Variants in MLXIP observed in about 807,000 individuals in gnomAD.
The protein encoded by MLXIP is MLX-interacting protein.
MLXIP carries 30 observed loss-of-function variants against 87.2 expected under a neutral mutation model. That is an observed-to-expected ratio of 0.34 (90% confidence interval 0.26 to 0.47). The LOEUF (loss-of-function observed/expected upper bound fraction) is 0.47, where lower values mean the gene tolerates loss of function less well. Ranked by LOEUF, MLXIP falls within the 20% of genes least tolerant of loss-of-function variation. MLXIP has a pLI of 1.00. For synonymous variants in MLXIP, 530 were observed against 514.0 expected (o/e 1.03, Z -0.42); for missense variants, 1,002 against 1,240.1 (o/e 0.81, Z 2.88).
intron 1 of MLXIP, among the ~76,000 whole-genome samples, chr12:122,106,719 A>T (rs995841175): frequency 6.8e-6 from 1 of 147,248 alleles, no homozygotes; most frequent in Non-Finnish European, 1.5e-5. Flanking sequence ...CTCCTGCCGT[A>T]GCCTCCTGAG....
rs148138950 is a variant in MLXIP at position 122,099,660 on chromosome 12, G to C, written c.413+20394G>C. ...CAGTTCCTCTGCTGAACTCCCTCAG[G>C]GGGAGGAGCAGAGCCTCAGGGCTTT... On this transcript the variant is annotated intron_variant, in intron 1 of 16. Coordinates refer to ENST00000319080, the MANE Select transcript of MLXIP (RefSeq NM_014938.6). Among the ~76,000 whole-genome samples, 163 of 152,342 alleles carry C rather than the reference G, an allele frequency of 1.1e-3. 1 individual carries two copies. Among genetic ancestry groups the C allele is most frequent in the Admixed American group, 2.5e-3 (38 of 15,310 alleles).
chr12:122,131,639 C>T (rs544484379), intron 7 of MLXIP, among the ~76,000 whole-genome samples: 40 of 151,420 alleles, frequency 2.6e-4, no homozygotes, highest in Admixed American at 1.1e-3. Context: ...TTTGTAAAGA[C>T]GGGGGTCTGC....
In MLXIP at chr12:122,137,364, G is replaced by C; in HGVS notation, c.2033-105G>C. The C allele has an allele frequency of 7.8e-7, 1 of 1,281,388 alleles. No homozygotes were observed. Among genetic ancestry groups the C allele is most frequent in the Non-Finnish European group, 1.1e-6 (1 of 949,168 alleles). 79.4% of individuals were successfully genotyped at this position (1,281,388 alleles called of 1,614,324 possible). A position where few individuals can be genotyped will look rare whatever the true frequency, so the allele number is the denominator to read the frequency against. ...CAGTTGAAAGAACCAAGTGCAATAC[G>C]TGGCTAGCAGCGAGCACCTCATAAC... On this transcript the variant is annotated intron_variant, in intron 11 of 16. Transcript: ENST00000319080. This position sits in a 1 kb window ranked among gnomAD's most constrained non-coding sequence, Gnocchi z 4.1.
Position 122,113,349 on chromosome 12 carries a change from C to G in MLXIP, c.414-13907C>G, listed in dbSNP as rs959662638. Among the ~76,000 whole-genome samples, 7 of 152,302 alleles carry G rather than the reference C, an allele frequency of 4.6e-5. No homozygotes were observed. The South Asian group carries it at 1.2e-3, about 27-fold the overall frequency. ...TTCACAGTTCACTGCAGCCCTGCAG[C>G]TTCCACCTCCTGGACTCAGGTGCTC... On this transcript the variant is annotated intron_variant, in intron 1 of 16. Transcript: ENST00000319080.
intron 1 of MLXIP, among the ~76,000 whole-genome samples, chr12:122,121,984 G>A (rs530258766): frequency 1.3e-5 from 2 of 152,204 alleles, no homozygotes; most frequent in East Asian, 1.9e-4. Flanking sequence ...CTGTGCTGGC[G>A]ACCCTAGGCG....
intron 4 of MLXIP, 127 bp downstream of exon 4, chr12:122,129,353 A>G: frequency 1.0e-6 from 1 of 983,846 alleles, no homozygotes; most frequent in Non-Finnish European, 1.6e-6. Flanking sequence ...CAAGCAGTAA[A>G]TCTGGGGCCC....
intron 1 of MLXIP, among the ~76,000 whole-genome samples, chr12:122,110,373 C>G (rs1952585674): frequency 1.3e-5 from 2 of 151,968 alleles, no homozygotes; most frequent in Admixed American, 1.3e-4. Context: ...CTGCAACCTC[C>G]GCCTCCTGGG....
chr12:122,116,401 G>A (rs1952692456), intron 1 of MLXIP, among the ~76,000 whole-genome samples: 1 of 152,150 alleles, frequency 6.6e-6, no homozygotes, highest in Non-Finnish European at 1.5e-5. Flanking sequence ...AAAGGGCATG[G>A]GCAAACAGCT....
chr12:122,095,025 TGTG>T (rs1169248759), intron 1 of MLXIP, among the ~76,000 whole-genome samples: 2 of 137,596 alleles, frequency 1.5e-5, no homozygotes, highest in African/African-American at 5.6e-5. Flanking sequence ...GTTGGTGTGT[TGTG>T]TGTGTGGGGT....
chr12:122,093,509 TGGTGTGTGTGGAG>T (rs1952282976), intron 1 of MLXIP, among the ~76,000 whole-genome samples: 1 of 130,412 alleles, frequency 7.7e-6, no homozygotes, highest in East Asian at 2.6e-4. Flanking sequence ...GTGTCTGTGT[TGGTGTGTGTGGAG>T]GGTGTGTGTG....
intron 15 of MLXIP, 59 bp from the exon 16 acceptor site, chr12:122,140,895 C>G: frequency 6.2e-7 from 1 of 1,613,488 alleles, no homozygotes; most frequent in Non-Finnish European, 8.5e-7. Context: ...CAACCACCTT[C>G]GGGTCTGCAG....
At chr12:122,110,068 C>G (rs1952580861) in intron 1 of MLXIP, among the ~76,000 whole-genome samples, 1 of 152,114 alleles carries the variant, frequency 6.6e-6, no homozygotes, top group African/African-American at 2.4e-5. Flanking sequence ...GGGAGGGATA[C>G]AATTCCAGAC....
chr12:122,080,628 T>A (rs1375115778), intron 1 of MLXIP, among the ~76,000 whole-genome samples: 1 of 152,066 alleles, frequency 6.6e-6, no homozygotes, highest in Non-Finnish European at 1.5e-5. Context: ...CCTCCTCCCA[T>A]CCCCCTTACC....
chr12:122,131,498 A>G (rs545002164), intron 7 of MLXIP, among the ~76,000 whole-genome samples: 11 of 128,392 alleles, frequency 8.6e-5, no homozygotes, highest in Non-Finnish European at 1.4e-4. Flanking sequence ...CACCCAGGCT[A>G]GAGTGCAGTG....
At chr12:122,130,757 C>A in intron 6 of MLXIP, 87 bp from the exon 7 acceptor site, 3 of 917,134 alleles carry the variant, frequency 3.3e-6, no homozygotes, top group Non-Finnish European at 3.6e-6. Context: ...GTGAGCAGGG[C>A]CAGGAAGTTC....
chr12:122,096,131 G>T (rs964585181), intron 1 of MLXIP, among the ~76,000 whole-genome samples: 6 of 151,946 alleles, frequency 3.9e-5, no homozygotes, highest in African/African-American at 1.5e-4. Flanking sequence ...AGGCTGGGCT[G>T]CAAATGTGTG....
intron 1 of MLXIP, among the ~76,000 whole-genome samples, chr12:122,125,581 C>T (rs57575365): frequency 0.03 from 4,565 of 152,320 alleles, 213 homozygotes; most frequent in African/African-American, 0.1. Context: ...CATGACACAG[C>T]AGTGGCTGTC....
At chr12:122,131,835 C>G (rs1484353441) in intron 7 of MLXIP, among the ~76,000 whole-genome samples, 1 of 150,722 alleles carries the variant, frequency 6.6e-6, no homozygotes, top group African/African-American at 2.4e-5. Context: ...TGGACTTAAG[C>G]GATCCTTCCG....
chr12:122,089,396 T>C lies in MLXIP; in HGVS notation c.413+10130T>C, dbSNP rs370371920. 5.9e-5 allele frequency among the ~76,000 whole-genome samples: 9 copies of C among 152,352 alleles called. No homozygotes were observed. In the South Asian group the frequency reaches 1.9e-3, roughly 32 times the overall value. On this transcript the variant is annotated intron_variant, in intron 1 of 16. Transcript: ENST00000319080. ...CGCTTTCAATGCATTCTTAAAACAG[T>C]ATATAATTATCCTAGCTTGGTGTTT... is the stretch of plus-strand genomic sequence containing the variant.
Sources: allele counts gnomAD v4.1 joint callset (sites outside exome capture counted in the v4.1 genomes callset), GRCh38; gene constraint gnomAD v4.1.1; non-coding constraint Gnocchi (gnomAD v3.1); transcripts MANE v1.5; gene names NCBI Gene and HGNC (gene_info 2026-07-23, HGNC 2026-07-21).